The following TRHR variants were observed in gnomAD, a reference collection of about 807,000 sequenced individuals.
The protein encoded by TRHR is thyrotropin releasing hormone receptor, also known as thyrotropin-releasing hormone receptor.
In TRHR, 14 loss-of-function variants were observed where a neutral mutation model predicts 28.0. That is an observed-to-expected ratio of 0.50 (90% confidence interval 0.33 to 0.78). TRHR has a LOEUF of 0.78. Ranked by LOEUF, TRHR falls within the 30% of genes least tolerant of loss-of-function variation. The pLI, the probability that TRHR is intolerant of heterozygous loss-of-function variation, is 0.02. For synonymous variants in TRHR, 176 were observed against 171.9 expected (o/e 1.02, Z -0.18); for missense variants, 438 against 469.5 (o/e 0.93, Z 0.62).
chr8:109,106,461 C>A (rs1414532196), intron 2 of TRHR, among the ~76,000 whole-genome samples: 1 of 152,116 alleles, frequency 6.6e-6, no homozygotes, highest in African/African-American at 2.4e-5. Flanking sequence ...TCCCTTAGCT[C>A]TTTATTTTTC....
At chr8:109,099,096 C>T (rs530171191) in intron 2 of TRHR, among the ~76,000 whole-genome samples, 1 of 151,950 alleles carries the variant, frequency 6.6e-6, no homozygotes, top group South Asian at 2.1e-4. Flanking sequence ...AGATGTTTTT[C>T]AGGAAACAGA....
intron 2 of TRHR, among the ~76,000 whole-genome samples, chr8:109,107,077 T>G (rs1046869187): frequency 6.6e-6 from 1 of 152,202 alleles, no homozygotes; most frequent in African/African-American, 2.4e-5. Flanking sequence ...AATCTGTTTT[T>G]CTTCAGTTGT....
Position 109,087,785 on chromosome 8 carries a change from G to T in TRHR, c.273G>T (p.Trp91Cys). The T allele has an allele frequency of 6.2e-7, 1 of 1,614,040 alleles. No individual in the cohort carries two copies. Among genetic ancestry groups the T allele is most frequent in the Non-Finnish European group, 8.5e-7 (1 of 1,180,010 alleles). The change falls in exon 2 of 3, where the codon TGG becomes TGT. Residue 91 changes from tryptophan (W) to cysteine (C), a missense_variant. Coordinates refer to ENST00000518632, the MANE Select transcript of TRHR (RefSeq NM_003301.7). ...PNITDSIYGS[W>C]VYGYVGCLCI... ...TAACAGACAGTATCTACGGTTCCTG[G>T]GTCTATGGCTATGTTGGATGCCTCT...
chr8:109,106,989 A>C (rs1197108630), intron 2 of TRHR, among the ~76,000 whole-genome samples: 1 of 152,302 alleles, frequency 6.6e-6, no homozygotes, highest in East Asian at 1.9e-4. Context: ...GCACAAATGA[A>C]TAGACAGGGA....
chr8:109,099,699 G>T (rs1245103413), intron 2 of TRHR, among the ~76,000 whole-genome samples: 2 of 152,188 alleles, frequency 1.3e-5, no homozygotes, highest in Non-Finnish European at 2.9e-5. Context: ...GCCATATTCA[G>T]TTGAAATAAA....
At chr8:109,102,504 T>C (rs574387032) in intron 2 of TRHR, among the ~76,000 whole-genome samples, 82 of 152,172 alleles carry the variant, frequency 5.4e-4, no homozygotes, top group African/African-American at 1.9e-3. Flanking sequence ...GTCAAACAAA[T>C]AGATAAATGA....
chr8:109,090,096 C>G (rs1446692708), intron 2 of TRHR, among the ~76,000 whole-genome samples: 1 of 152,158 alleles, frequency 6.6e-6, no homozygotes, highest in Non-Finnish European at 1.5e-5. Context: ...GCTTAAATGC[C>G]AGGATTCCAT....
At chr8:109,113,593 G>A (rs1323588800) in intron 2 of TRHR, among the ~76,000 whole-genome samples, 2 of 152,036 alleles carry the variant, frequency 1.3e-5, no homozygotes, top group African/African-American at 2.4e-5. Context: ...AAAGCATGGA[G>A]CTAACTAACT....
In TRHR at chr8:109,087,653, C is replaced by T; in HGVS notation, c.141C>T (p.Val47=). 1 of 1,614,060 alleles carries T rather than the reference C, an allele frequency of 6.2e-7. No individual in the cohort carries two copies. Among genetic ancestry groups the T allele is most frequent in the African/African-American group, 1.3e-5 (1 of 74,980 alleles). The change falls in exon 2 of 3, where the codon GTC becomes GTT. Residue 47 remains valine, a synonymous_variant. Coordinates refer to ENST00000518632, the MANE Select transcript of TRHR (RefSeq NM_003301.7). ...GLGIVGNIMV[V]LVVMRTKHMR... is the part of the protein sequence containing the mutation. ...GCATTGTAGGCAACATCATGGTAGTCCTGGTTGTCATGAGAACCAAGCACA... is the reference window on the plus strand; with the variant it reads ...GCATTGTAGGCAACATCATGGTAGTTCTGGTTGTCATGAGAACCAAGCACA...
chr8:109,111,853 TAAAG>T (rs1402346891), intron 2 of TRHR, among the ~76,000 whole-genome samples: 1 of 152,194 alleles, frequency 6.6e-6, no homozygotes, highest in Admixed American at 6.5e-5. Flanking sequence ...CCAAAATTGA[TAAAG>T]AGTCTATTCA....
intron 2 of TRHR, among the ~76,000 whole-genome samples, chr8:109,109,205 G>A (rs959697557): frequency 2.0e-5 from 3 of 151,968 alleles, no homozygotes; most frequent in South Asian, 2.1e-4. Flanking sequence ...CACCAATTCC[G>A]ACCTTTAAGC....
chr8:109,088,720 A>G (rs889663561), intron 2 of TRHR, among the ~76,000 whole-genome samples: 9 of 152,202 alleles, frequency 5.9e-5, no homozygotes, highest in African/African-American at 1.7e-4. Flanking sequence ...GACAGTTTGA[A>G]AACAGGTTAG....
intron 2 of TRHR, among the ~76,000 whole-genome samples, chr8:109,089,981 G>A (rs554772450): frequency 6.6e-6 from 1 of 152,236 alleles, no homozygotes; most frequent in African/African-American, 2.4e-5. Flanking sequence ...TGCTAATTAT[G>A]TTACATGTTC....
chr8:109,102,179 TGA>T (rs1811687589), intron 2 of TRHR, among the ~76,000 whole-genome samples: 1 of 152,118 alleles, frequency 6.6e-6, no homozygotes, highest in Non-Finnish European at 1.5e-5. Flanking sequence ...AGCTTGATTA[TGA>T]GAGAGAACAG....
At chr8:109,106,865 C>T (rs953414104) in intron 2 of TRHR, among the ~76,000 whole-genome samples, 1 of 152,010 alleles carries the variant, frequency 6.6e-6, no homozygotes, top group Non-Finnish European at 1.5e-5. Context: ...TCATGTTGCC[C>T]CTTGCAGGTA....
At chr8:109,088,434 CT>C (rs1292084846) in intron 2 of TRHR, 133 bp downstream of exon 2, 1 of 973,138 alleles carries the variant, frequency 1.0e-6, no homozygotes, top group African/African-American at 1.6e-5. Flanking sequence ...ACAGTGTAAG[CT>C]TCTGCCTAAC....
chr8:109,087,308 G>A (rs2129860401), intron 1 of TRHR, 117 bp from the exon 2 acceptor site: 2 of 640,798 alleles, frequency 3.1e-6, no homozygotes, highest in Admixed American at 2.4e-5. Context: ...GTACACATGA[G>A]CCCTATTCCC....
intron 2 of TRHR, among the ~76,000 whole-genome samples, chr8:109,104,329 A>G (rs982231383): frequency 1.3e-5 from 2 of 152,172 alleles, no homozygotes; most frequent in African/African-American, 4.8e-5. Flanking sequence ...AACTTGAAAA[A>G]TGATGATTAG....
At chr8:109,117,918 C>T (rs1005544917) in intron 2 of TRHR, among the ~76,000 whole-genome samples, 2 of 151,896 alleles carry the variant, frequency 1.3e-5, no homozygotes, top group Non-Finnish European at 2.9e-5. Flanking sequence ...TGGTAAGATA[C>T]GTAGCCTTAA....
Sources: gnomAD v4.1 joint callset for allele counts (sites outside exome capture counted in the v4.1 genomes callset) on GRCh38, gnomAD v4.1.1 for gene constraint, MANE v1.5 for transcripts, NCBI Gene and HGNC (gene_info 2026-07-23, HGNC 2026-07-21) for gene names.